Variants in LSG1 observed in about 807,000 individuals in gnomAD.
LSG1 encodes the protein large subunit GTPase 1 homolog.
A neutral mutation model predicts 82.6 loss-of-function variants in LSG1; 55 were observed. The observed-to-expected ratio is 0.67, with a 90% CI of 0.54 to 0.83. The LOEUF (loss-of-function observed/expected upper bound fraction) is 0.83, where lower values mean the gene tolerates loss of function less well. LSG1 is among the 40% of genes least tolerant of loss of function. The pLI, the probability that LSG1 is intolerant of heterozygous loss-of-function variation, is 0.00. For synonymous variants in LSG1, 272 were observed against 282.5 expected (o/e 0.96, Z 0.37); for missense variants, 809 against 807.9 (o/e 1.00, Z -0.02).
At chr3:194,656,896 G>A (rs1718800654) in intron 7 of LSG1, among the ~76,000 whole-genome samples, 1 of 152,020 alleles carries the variant, frequency 6.6e-6, no homozygotes, top group Non-Finnish European at 1.5e-5. Context: ...ACTATTGCAA[G>A]GACAAAAAAC....
At chr3:194,650,830 A>C in intron 10 of LSG1, 51 bp downstream of exon 10, 1 of 1,544,602 alleles carries the variant, frequency 6.5e-7, no homozygotes, top group Non-Finnish European at 8.7e-7. Flanking sequence ...ATAAACCTGA[A>C]GCCCTAATAT....
At chr3:194,645,444 T>C (rs9827102) in intron 12 of LSG1, 21,362 of 150,552 alleles carry the variant, frequency 0.14, 2,331 homozygotes, top group East Asian at 0.46. Flanking sequence ...AGAAACTTAA[T>C]AGATAACAAT....
At chr3:194,643,961 A>G (rs1046556754) in intron 13 of LSG1, among the ~76,000 whole-genome samples, 6 of 152,232 alleles carry the variant, frequency 3.9e-5, no homozygotes, top group Non-Finnish European at 7.3e-5. Context: ...AGCACACAGT[A>G]TGATTCCAGT....
chr3:194,669,733 A>T (rs1719105177), intron 2 of LSG1, among the ~76,000 whole-genome samples: 1 of 152,170 alleles, frequency 6.6e-6, no homozygotes, highest in Non-Finnish European at 1.5e-5. Flanking sequence ...GGAGATCAAG[A>T]ACATCCTGGC....
chr3:194,644,570 T>G lies in LSG1; in HGVS notation c.1797+3A>C. 6.2e-7 allele frequency: 1 copy of G among 1,608,382 alleles called. No individual in the cohort carries two copies. Among genetic ancestry groups the G allele is most frequent in the Non-Finnish European group, 8.5e-7 (1 of 1,177,608 alleles). On this transcript the variant is annotated splice_donor_region_variant and intron_variant, in intron 13 of 13. Transcript: ENST00000265245. Reference sequence around the variant, plus strand: ...GAAGTTTAAGAAAAGCTTTAAAACTTACTTGATGGAAAAAAGTTTTGTCAA... The same window carrying G: ...GAAGTTTAAGAAAAGCTTTAAAACTGACTTGATGGAAAAAAGTTTTGTCAA...
chr3:194,665,683 T>C, intron 4 of LSG1, 40 bp from the exon 5 acceptor site: 1 of 1,242,704 alleles, frequency 8.0e-7, no homozygotes, highest in Non-Finnish European at 1.2e-6. Flanking sequence ...TGCCAGATTA[T>C]AATAGACAAT....
chr3:194,670,860 G>A (rs1719127809), intron 1 of LSG1, among the ~76,000 whole-genome samples: 2 of 152,272 alleles, frequency 1.3e-5, no homozygotes, highest in South Asian at 4.1e-4. Flanking sequence ...CAGGAGGATT[G>A]CTTGAGGCCA....
At chr3:194,662,045 C>A (rs1718943684) in intron 5 of LSG1, among the ~76,000 whole-genome samples, 1 of 152,186 alleles carries the variant, frequency 6.6e-6, no homozygotes, top group Admixed American at 6.5e-5. Context: ...AGAACAGCAG[C>A]AACCAAATGT....
At chr3:194,656,633 C>T (rs1407571789) in intron 7 of LSG1, among the ~76,000 whole-genome samples, 1 of 152,086 alleles carries the variant, frequency 6.6e-6, no homozygotes, top group African/African-American at 2.4e-5. Flanking sequence ...TTTGACCCAG[C>T]CATCCCATTA....
intron 4 of LSG1, 21 bp from the exon 5 acceptor site, chr3:194,665,664 T>TTA: frequency 6.8e-7 from 1 of 1,471,292 alleles, no homozygotes; most frequent in Non-Finnish European, 9.5e-7. Context: ...AATGAGAAGT[T>TTA]TATATATTTG....
chr3:194,654,331 G>A (rs1577254846), intron 7 of LSG1, among the ~76,000 whole-genome samples: 1 of 152,176 alleles, frequency 6.6e-6, no homozygotes, highest in South Asian at 2.1e-4. Context: ...TGACAACAAA[G>A]CAGAAATAAG....
chr3:194,659,267 C>G, intron 6 of LSG1, 134 bp from the exon 7 acceptor site: 1 of 677,162 alleles, frequency 1.5e-6, no homozygotes, highest in East Asian at 2.7e-5. Context: ...CATTTTTAAT[C>G]ATGACACATT....
intron 5 of LSG1, among the ~76,000 whole-genome samples, chr3:194,662,010 C>G (rs561812894): frequency 6.6e-6 from 1 of 152,282 alleles, no homozygotes; most frequent in Admixed American, 6.5e-5. Context: ...AAAACAAAGG[C>G]TGAAACCCAT....
At position 194,644,722 on chromosome 3, in the gene LSG1, G is replaced by A; in HGVS notation, c.1648C>T (p.Pro550Ser). 1 of 1,607,108 alleles carries A rather than the reference G, an allele frequency of 6.2e-7. No individual in the cohort carries two copies. Among genetic ancestry groups the A allele is most frequent in the Non-Finnish European group, 8.5e-7 (1 of 1,176,174 alleles). The change falls in exon 13 of 14, where the codon CCT (proline) becomes TCT (serine). Residue 550 changes from proline (P) to serine (S), a missense_variant. By Grantham distance (74) the Pro-to-Ser change is moderately conservative. Coordinates refer to ENST00000265245, the MANE Select transcript of LSG1 (RefSeq NM_018385.3). ...VSGKLLYCHP[P>S]PGRDPVTFQH... ...AAAGTTACAGGATCTCTTCCAGGAG[G>A]AGGATGGCAGTACAGCAGCTTACCC...
chr3:194,654,947 A>G (rs1202414078), intron 7 of LSG1, among the ~76,000 whole-genome samples: 2 of 152,194 alleles, frequency 1.3e-5, no homozygotes, highest in African/African-American at 4.8e-5. Flanking sequence ...TTGAACAACT[A>G]TAGAAGATGA....
chr3:194,648,583 T>A, intron 11 of LSG1, 98 bp downstream of exon 11: 1 of 1,287,446 alleles, frequency 7.8e-7, no homozygotes, highest in Non-Finnish European at 1.1e-6. Flanking sequence ...AATGTGTATC[T>A]TTGCAGAACA....
At chr3:194,670,864 G>C (rs995857732) in intron 1 of LSG1, among the ~76,000 whole-genome samples, 3 of 152,172 alleles carry the variant, frequency 2.0e-5, no homozygotes, top group African/African-American at 7.2e-5. Context: ...AGGATTGCTT[G>C]AGGCCAGGAG....
At chr3:194,654,386 T>C (rs549863086) in intron 7 of LSG1, among the ~76,000 whole-genome samples, 8 of 152,332 alleles carry the variant, frequency 5.3e-5, no homozygotes, top group African/African-American at 1.9e-4. Flanking sequence ...CTGGTATCAT[T>C]TCCAAGTAGC....
rs73069309 is a variant in LSG1, at chr3:194,646,322, A to G, written c.1544-79T>C. 5,417 of 990,884 alleles carry G rather than the reference A, an allele frequency of 5.5e-3. 197 individuals are homozygous for G. In the African/African-American group the frequency reaches 0.077, roughly 14 times the overall value. 61.4% of individuals were successfully genotyped at this position (990,884 alleles called of 1,614,324 possible). ...AGACAACTGAGGTGATGTAGCTTCTATTACTAAGCATTCTTACTCTTGGAT... is the reference window on the plus strand; with the variant it reads ...AGACAACTGAGGTGATGTAGCTTCTGTTACTAAGCATTCTTACTCTTGGAT... On this transcript the variant is annotated intron_variant, in intron 11 of 13. Transcript: ENST00000265245.
Sources: gnomAD v4.1 joint callset for allele counts (sites outside exome capture counted in the v4.1 genomes callset) on GRCh38, gnomAD v4.1.1 for gene constraint, MANE v1.5 for transcripts, NCBI Gene and HGNC (gene_info 2026-07-23, HGNC 2026-07-21) for gene names.